Variants in NRG3 observed in about 807,000 individuals in gnomAD.
NRG3 encodes neuregulin 3, also known as pro-neuregulin-3, membrane-bound isoform.
In NRG3, 31 loss-of-function variants were observed where a neutral mutation model predicts 66.9. The ratio of observed to expected loss-of-function variants is 0.46; its 90% confidence interval spans 0.35 to 0.63. The LOEUF (loss-of-function observed/expected upper bound fraction) is 0.63, where lower values mean the gene tolerates loss of function less well. Among genes scored for constraint, NRG3 ranks in the 20% least tolerant of loss-of-function variants. NRG3 has a pLI of 0.00. For missense variants in NRG3, 910 were observed against 878.9 expected, an observed-to-expected ratio of 1.04 and a Z score of -0.45; for synonymous variants, 393 against 359.4, an observed-to-expected ratio of 1.09 and a Z score of -1.06.
At chr10:82,056,586 A>G (rs892134710) in intron 1 of NRG3, among the ~76,000 whole-genome samples, 11 of 151,998 alleles carry the variant, frequency 7.2e-5, no homozygotes, top group African/African-American at 2.7e-4. Context: ...TGTAGATGTG[A>G]CACAGAGCCA....
At chr10:82,578,371 G>A (rs534487842) in intron 2 of NRG3, among the ~76,000 whole-genome samples, 26 of 149,342 alleles carry the variant, frequency 1.7e-4, no homozygotes, top group African/African-American at 6.4e-4. Context: ...AACCCCGATA[G>A]TAAACAGGTA....
chr10:82,971,872 T>G (rs945474615), intron 6 of NRG3, among the ~76,000 whole-genome samples: 3 of 152,210 alleles, frequency 2.0e-5, no homozygotes, highest in African/African-American at 4.8e-5. Context: ...TTATACATAA[T>G]TATATTTTAT....
At chr10:82,413,856 T>C (rs1389849130) in intron 2 of NRG3, among the ~76,000 whole-genome samples, 1 of 152,192 alleles carries the variant, frequency 6.6e-6, no homozygotes, top group Non-Finnish European at 1.5e-5. Context: ...TTCTGCAGCC[T>C]CCTCACCTCT....
At chr10:82,875,539 G>T (rs1026582134) in intron 4 of NRG3, among the ~76,000 whole-genome samples, 9 of 152,098 alleles carry the variant, frequency 5.9e-5, no homozygotes, top group East Asian at 5.8e-4. Context: ...TTATTTTTTT[G>T]TAGAGATGAG....
intron 1 of NRG3, among the ~76,000 whole-genome samples, chr10:82,256,592 C>T (rs1396999203): frequency 6.6e-6 from 1 of 152,122 alleles, no homozygotes; most frequent in Admixed American, 6.5e-5. Flanking sequence ...TGCTGCTCTA[C>T]CTTCTCTTTC....
intron 4 of NRG3, among the ~76,000 whole-genome samples, chr10:82,929,330 TA>T (rs1419407665): frequency 6.6e-6 from 1 of 152,156 alleles, no homozygotes; most frequent in East Asian, 1.9e-4. Context: ...CCACTCTATC[TA>T]AAACTAGGCT....
chr10:81,884,725 A>G (rs560819899), intron 1 of NRG3, among the ~76,000 whole-genome samples: 3 of 152,290 alleles, frequency 2.0e-5, no homozygotes, highest in Admixed American at 2.0e-4. Flanking sequence ...TAGGATTTTG[A>G]TATCCTGGGG....
At chr10:82,165,960 G>T (rs938040850) in intron 1 of NRG3, among the ~76,000 whole-genome samples, 2 of 151,070 alleles carry the variant, frequency 1.3e-5, no homozygotes, top group African/African-American at 2.4e-5. Flanking sequence ...TCTGTTCTTT[G>T]TTCTCTTTTC....
chr10:82,591,661 T>C (rs997338029), intron 2 of NRG3, among the ~76,000 whole-genome samples: 2 of 152,240 alleles, frequency 1.3e-5, no homozygotes, highest in African/African-American at 4.8e-5. Flanking sequence ...TGTTTAAAAT[T>C]AGGCTTAGAG....
chr10:81,929,968 C>T (rs1452052716), intron 1 of NRG3, among the ~76,000 whole-genome samples: 1 of 152,130 alleles, frequency 6.6e-6, no homozygotes, highest in Non-Finnish European at 1.5e-5. Flanking sequence ...TCCAGATTAG[C>T]CCAACTACAG....
intron 1 of NRG3, among the ~76,000 whole-genome samples, chr10:82,112,068 C>T (rs542971841): frequency 9.9e-5 from 15 of 152,044 alleles, no homozygotes; most frequent in African/African-American, 3.4e-4. Context: ...TATAACAAGA[C>T]CCCTGTCACT....
intron 1 of NRG3, among the ~76,000 whole-genome samples, chr10:82,291,787 C>A (rs2079763525): frequency 6.6e-6 from 1 of 152,182 alleles, no homozygotes; most frequent in East Asian, 1.9e-4. Flanking sequence ...AAAAACCCAA[C>A]TGAACCTCCA....
intron 2 of NRG3, among the ~76,000 whole-genome samples, chr10:82,692,674 G>C (rs1290613162): frequency 6.6e-6 from 1 of 152,176 alleles, no homozygotes; most frequent in African/African-American, 2.4e-5. Flanking sequence ...CCCAAGTACA[G>C]GTGGGCCTCT....
At chr10:82,980,093 T>A (rs1852693855) in intron 8 of NRG3, among the ~76,000 whole-genome samples, 1 of 151,778 alleles carries the variant, frequency 6.6e-6, no homozygotes, top group Non-Finnish European at 1.5e-5. Flanking sequence ...TGGTCCCAGC[T>A]GCTTGGGAGG....
At chr10:82,158,899 C>G (rs1490392179) in intron 1 of NRG3, among the ~76,000 whole-genome samples, 1 of 151,808 alleles carries the variant, frequency 6.6e-6, no homozygotes, top group Non-Finnish European at 1.5e-5. Flanking sequence ...TTTACTCACT[C>G]AAGCTTTCCA....
chr10:82,094,248 G>A (rs1375921053), intron 1 of NRG3, among the ~76,000 whole-genome samples: 2 of 152,078 alleles, frequency 1.3e-5, no homozygotes, highest in Admixed American at 1.3e-4. Flanking sequence ...ATATTGAATT[G>A]CAGTCACTAA....
intron 1 of NRG3, among the ~76,000 whole-genome samples, chr10:82,272,281 G>T (rs1433227926): frequency 6.6e-6 from 1 of 151,992 alleles, no homozygotes; most frequent in Non-Finnish European, 1.5e-5. Context: ...GATCCAACTG[G>T]CATAAGGACT....
intron 1 of NRG3, among the ~76,000 whole-genome samples, chr10:81,963,033 CGTT>C (rs1301265250): frequency 6.6e-6 from 1 of 150,544 alleles, no homozygotes; most frequent in Non-Finnish European, 1.5e-5. Flanking sequence ...TTCTGTCTCT[CGTT>C]GGGTGAGTGA....
chr10:82,454,096 T>G (rs946702781), intron 2 of NRG3, among the ~76,000 whole-genome samples: 2 of 152,198 alleles, frequency 1.3e-5, no homozygotes, highest in Non-Finnish European at 2.9e-5. Context: ...TATTGTTCTC[T>G]TTCATATCTG....
Sources: allele counts gnomAD v4.1 joint callset (sites outside exome capture counted in the v4.1 genomes callset), GRCh38; gene constraint gnomAD v4.1.1; transcripts MANE v1.5; gene names NCBI Gene and HGNC (gene_info 2026-07-23, HGNC 2026-07-21).